The following RBFOX1 variants were observed in gnomAD, a reference collection of about 807,000 sequenced individuals.
RBFOX1 encodes RNA binding fox-1 homolog 1.
Under a neutral mutation model 57.7 loss-of-function variants are expected in RBFOX1, and 8 were observed. The observed-to-expected ratio is 0.14, with a 90% confidence interval of 0.08 to 0.25. The LOEUF (loss-of-function observed/expected upper bound fraction) is 0.25. RBFOX1 is among the 10% of genes least tolerant of loss of function. The pLI is 1.00. For missense variants in RBFOX1, 611 were observed against 548.5 expected (o/e 1.11, Z -1.14); for synonymous variants, 326 against 222.4 (o/e 1.47, Z -4.15).
At chr16:7,683,576 C>T (rs184539584) in intron 14 of RBFOX1, among the ~76,000 whole-genome samples, 5 of 152,010 alleles carry the variant, frequency 3.3e-5, no homozygotes, top group East Asian at 3.9e-4. Context: ...GTCACAGCCA[C>T]GTGGGTAGAC....
intron 1 of RBFOX1, among the ~76,000 whole-genome samples, chr16:6,090,550 A>C (rs2096156331): frequency 6.6e-6 from 1 of 152,226 alleles, no homozygotes; most frequent in Admixed American, 6.5e-5. Flanking sequence ...ATTAATGATC[A>C]AAGGCAGTGG....
intron 1 of RBFOX1, among the ~76,000 whole-genome samples, chr16:6,149,093 A>C (rs1485134596): frequency 6.6e-6 from 1 of 152,250 alleles, no homozygotes; most frequent in Non-Finnish European, 1.5e-5. Flanking sequence ...ATGAAATGCA[A>C]ACAAATACTT....
chr16:6,102,880 T>G (rs1329706503), intron 1 of RBFOX1, among the ~76,000 whole-genome samples: 1 of 152,058 alleles, frequency 6.6e-6, no homozygotes, highest in Non-Finnish European at 1.5e-5. Flanking sequence ...GGAAGTAACT[T>G]GGGGTCATTT....
intron 4 of RBFOX1, among the ~76,000 whole-genome samples, chr16:6,002,075 G>A (rs939073606): frequency 6.6e-6 from 1 of 151,028 alleles, no homozygotes; most frequent in Non-Finnish European, 1.5e-5. Context: ...GGGCTCAAGC[G>A]ATTGTCCCTC....
At position 5,347,074 on chromosome 16, in the gene RBFOX1, C is replaced by G. The variant is rs116053553; in HGVS notation, c.219+106969C>G. On this transcript the variant is annotated intron_variant, in intron 1 of 2. Coordinates refer to the RBFOX1 transcript ENST00000585867. ...CTTTCCTCAAGGGACGCCTTTTCAG[C>G]AAGACTTTATCTGGCTGCTCTATTG... Among the ~76,000 whole-genome samples the G allele has an allele frequency of 4.2e-3, 635 of 152,244 alleles. 3 individuals are homozygous for G. The highest frequency in any genetic ancestry group is 0.014 in the African/African-American group (591 of 41,516).
chr16:7,198,752 C>A (rs1467578652), intron 4 of RBFOX1, among the ~76,000 whole-genome samples: 1 of 152,176 alleles, frequency 6.6e-6, no homozygotes, highest in East Asian at 1.9e-4. Flanking sequence ...AAGTGGAGTT[C>A]TCGTAATCTA....
At chr16:7,639,327 A>C (rs1190218276) in intron 11 of RBFOX1, among the ~76,000 whole-genome samples, 2 of 152,164 alleles carry the variant, frequency 1.3e-5, no homozygotes, top group Non-Finnish European at 2.9e-5. Context: ...CCCATCAGGG[A>C]ATCAGACACT....
chr16:7,274,428 C>T (rs1301950885), intron 4 of RBFOX1, among the ~76,000 whole-genome samples: 2 of 152,158 alleles, frequency 1.3e-5, no homozygotes, highest in Admixed American at 6.6e-5. Flanking sequence ...ACACACACCA[C>T]ACACACATAC....
At chr16:5,239,900 C>T (rs1207877152) in exon 1 of RBFOX1, 2 of 1,487,986 alleles carry the variant, frequency 1.3e-6, no homozygotes, top group Admixed American at 2.0e-5. Flanking sequence ...GCCAGCCCTT[C>T]CGGCAGCTCC....
chr16:5,788,296 C>G (rs1033113321), intron 3 of RBFOX1, among the ~76,000 whole-genome samples: 5 of 152,100 alleles, frequency 3.3e-5, no homozygotes, highest in Non-Finnish European at 5.9e-5. Flanking sequence ...AACTGCTGTC[C>G]TTATTGGAGA....
At chr16:7,071,143 C>T (rs1365618715) in intron 4 of RBFOX1, among the ~76,000 whole-genome samples, 1 of 152,148 alleles carries the variant, frequency 6.6e-6, no homozygotes, top group Non-Finnish European at 1.5e-5. Flanking sequence ...AGCTTCTCGG[C>T]TGCTACCCTG....
At chr16:5,433,669 G>A (rs761217179) in intron 1 of RBFOX1, among the ~76,000 whole-genome samples, 1 of 152,112 alleles carries the variant, frequency 6.6e-6, no homozygotes, top group African/African-American at 2.4e-5. Flanking sequence ...GGCATTTGTC[G>A]CAATTACAAC....
intron 1 of RBFOX1, among the ~76,000 whole-genome samples, chr16:6,084,345 G>A (rs2096055853): frequency 6.6e-6 from 1 of 152,072 alleles, no homozygotes; most frequent in African/African-American, 2.4e-5. Flanking sequence ...CCAGACTCAG[G>A]TGATCCCTTC....
At position 6,310,973 on chromosome 16, in the gene RBFOX1, G is replaced by C. The variant is rs147267340; in HGVS notation, c.-126-6022G>C. On this transcript the variant is annotated intron_variant, in intron 1 of 15. Transcript: ENST00000550418. ...GTAGTGCACAGGCACAGTGTTATCAGAGATGCTAGGACATTTCAATTTAGT... is the reference window on the plus strand; with the variant it reads ...GTAGTGCACAGGCACAGTGTTATCACAGATGCTAGGACATTTCAATTTAGT... Among the ~76,000 whole-genome samples the C allele has an allele frequency of 2.6e-5, 4 of 151,964 alleles. No homozygotes were observed. The East Asian group carries it at 7.7e-4, about 29-fold the overall frequency.
At chr16:7,592,049 G>A (rs753083732) in intron 7 of RBFOX1, among the ~76,000 whole-genome samples, 4 of 152,056 alleles carry the variant, frequency 2.6e-5, no homozygotes, top group South Asian at 2.1e-4. Flanking sequence ...GCCACTTCTT[G>A]TCTGGGTGGG....
At chr16:7,505,134 T>C (rs944307304) in intron 4 of RBFOX1, among the ~76,000 whole-genome samples, 9 of 151,782 alleles carry the variant, frequency 5.9e-5, no homozygotes, top group Non-Finnish European at 1.2e-4. Context: ...TTGGGATTCA[T>C]TTTTTATTCA....
At chr16:7,472,283 A>G (rs571739749) in intron 4 of RBFOX1, among the ~76,000 whole-genome samples, 5 of 150,802 alleles carry the variant, frequency 3.3e-5, no homozygotes, top group African/African-American at 7.5e-5. Flanking sequence ...CAGTGTAAAT[A>G]CATGGAGTAC....
At chr16:6,466,427 T>C (rs2095052288) in intron 2 of RBFOX1, among the ~76,000 whole-genome samples, 1 of 152,196 alleles carries the variant, frequency 6.6e-6, no homozygotes, top group Admixed American at 6.5e-5. Context: ...AAGTAGTTGC[T>C]ATTAAACCCA....
intron 2 of RBFOX1, among the ~76,000 whole-genome samples, chr16:5,558,479 G>A (rs963606089): frequency 5.9e-4 from 90 of 152,190 alleles, no homozygotes; most frequent in African/African-American, 2.0e-3. Context: ...GGGGGATATG[G>A]GAACTCTCCC....
Sources: allele counts gnomAD v4.1 joint callset (sites outside exome capture counted in the v4.1 genomes callset), GRCh38; gene constraint gnomAD v4.1.1; transcripts MANE v1.5; gene names NCBI Gene and HGNC (gene_info 2026-07-23, HGNC 2026-07-21).